IQCM: variants seen among roughly 807,000 people sequenced by gnomAD.
IQCM encodes IQ motif containing M.
In IQCM, 45 loss-of-function variants were observed where a neutral mutation model predicts 57.6. That is an observed-to-expected ratio of 0.78 (90% CI 0.62 to 1.00). The LOEUF is 1.00. Among genes scored for constraint, IQCM ranks in the 50% least tolerant of loss-of-function variants. IQCM has a pLI of 0.00. For missense variants in IQCM, 468 were observed against 511.6 expected (o/e 0.91, Z 0.82); for synonymous variants, 148 against 158.9 (o/e 0.93, Z 0.51).
At chr4:149,539,143 GA>G (rs1345105527) in intron 12 of IQCM, among the ~76,000 whole-genome samples, 1 of 151,962 alleles carries the variant, frequency 6.6e-6, no homozygotes, top group Non-Finnish European at 1.5e-5. Context: ...CAAAAAGGTG[GA>G]AACAACCCAA....
intron 2 of IQCM, among the ~76,000 whole-genome samples, chr4:149,751,605 T>C (rs1241603296): frequency 1.3e-5 from 2 of 152,236 alleles, no homozygotes; most frequent in African/African-American, 4.8e-5. Context: ...GTATAATCTT[T>C]ATATCTCACA....
At chr4:149,637,325 A>T (rs886212720) in intron 7 of IQCM, among the ~76,000 whole-genome samples, 73 of 152,266 alleles carry the variant, frequency 4.8e-4, no homozygotes, top group African/African-American at 1.5e-3. Context: ...AAATTTAATA[A>T]ATAGCATGTA....
chr4:149,792,539 A>G (rs919616110), intron 2 of IQCM, among the ~76,000 whole-genome samples: 3 of 152,176 alleles, frequency 2.0e-5, no homozygotes, highest in African/African-American at 7.2e-5. Context: ...TTAGACAGCC[A>G]GGGGGAAAAT....
At chr4:149,664,674 G>A (rs777226316) in intron 7 of IQCM, among the ~76,000 whole-genome samples, 83 of 152,296 alleles carry the variant, frequency 5.4e-4, no homozygotes, top group Non-Finnish European at 7.6e-4. Flanking sequence ...GGCCAAGCAT[G>A]TTTACTCATA....
chr4:149,527,538 C>T (rs1361074322), intron 12 of IQCM, among the ~76,000 whole-genome samples: 1 of 152,204 alleles, frequency 6.6e-6, no homozygotes, highest in Non-Finnish European at 1.5e-5. Context: ...TCTTGAACTT[C>T]CCAGTTTCCA....
chr4:149,622,932 G>A (rs1756476524), intron 7 of IQCM, among the ~76,000 whole-genome samples: 1 of 152,088 alleles, frequency 6.6e-6, no homozygotes, highest in African/African-American at 2.4e-5. Context: ...CCAAGGCAAG[G>A]ACTATAACTT....
chr4:149,593,584 G>T (rs185345740), intron 8 of IQCM, among the ~76,000 whole-genome samples: 5 of 152,036 alleles, frequency 3.3e-5, no homozygotes, highest in African/African-American at 9.7e-5. Context: ...TATGATATTG[G>T]CTGTGGGTTT....
At chr4:149,461,220 CA>C (rs1404199105) in intron 12 of IQCM, among the ~76,000 whole-genome samples, 1 of 85,424 alleles carries the variant, frequency 1.2e-5, no homozygotes, top group East Asian at 3.0e-4. Context: ...GCAACAAGAG[CA>C]AAACTCCATC....
intron 8 of IQCM, among the ~76,000 whole-genome samples, chr4:149,616,021 C>T (rs1755761328): frequency 6.6e-6 from 1 of 152,068 alleles, no homozygotes. Context: ...ATGGTACAGC[C>T]ACTGTGGAAA....
At chr4:149,485,165 T>C (rs576423232) in intron 12 of IQCM, among the ~76,000 whole-genome samples, 1 of 152,154 alleles carries the variant, frequency 6.6e-6, no homozygotes, top group African/African-American at 2.4e-5. Flanking sequence ...GGGAGTTTGA[T>C]TTTCAAACTC....
chr4:149,550,514 A>G (rs1309134211), intron 11 of IQCM, among the ~76,000 whole-genome samples: 2 of 152,216 alleles, frequency 1.3e-5, no homozygotes, highest in Non-Finnish European at 2.9e-5. Flanking sequence ...ATATTGATGT[A>G]CCTATTAATA....
chr4:149,774,770 C>CAA (rs566184766), intron 2 of IQCM, among the ~76,000 whole-genome samples: 35 of 110,976 alleles, frequency 3.2e-4, no homozygotes, highest in South Asian at 6.0e-4. Flanking sequence ...TTCTTAAAAC[C>CAA]AAAAAAAAAA....
At chr4:149,425,970 T>C (rs1375517998) in intron 13 of IQCM, among the ~76,000 whole-genome samples, 1 of 152,012 alleles carries the variant, frequency 6.6e-6, no homozygotes, top group Admixed American at 6.6e-5. Flanking sequence ...TTCCTAGGCA[T>C]TATACTTAAT....
At chr4:149,593,341 T>C (rs1753405376) in intron 8 of IQCM, among the ~76,000 whole-genome samples, 2 of 152,126 alleles carry the variant, frequency 1.3e-5, no homozygotes, top group Admixed American at 6.6e-5. Flanking sequence ...GCCTACCAGC[T>C]TAAGGAGATT....
intron 5 of IQCM, among the ~76,000 whole-genome samples, chr4:149,714,222 C>A (rs533800869): frequency 2.0e-5 from 3 of 152,266 alleles, no homozygotes; most frequent in East Asian, 3.9e-4. Context: ...CAGTATCCTG[C>A]ACATCTCAGT....
At chr4:149,759,713 G>C (rs917167711) in intron 2 of IQCM, among the ~76,000 whole-genome samples, 1 of 151,952 alleles carries the variant, frequency 6.6e-6, no homozygotes, top group African/African-American at 2.4e-5. Context: ...ATTTAAAATT[G>C]GGAGTAAACA....
intron 12 of IQCM, among the ~76,000 whole-genome samples, chr4:149,533,511 C>G (rs535395324): frequency 6.6e-6 from 1 of 152,034 alleles, no homozygotes; most frequent in Non-Finnish European, 1.5e-5. Flanking sequence ...ACTGTTCTCA[C>G]GCTGCTGACA....
intron 12 of IQCM, among the ~76,000 whole-genome samples, chr4:149,485,212 G>A (rs1463419004): frequency 6.6e-6 from 1 of 151,906 alleles, no homozygotes; most frequent in Non-Finnish European, 1.5e-5. Flanking sequence ...TCTGCTTGGT[G>A]TTCTATAATC....
chr4:149,660,405 A>T lies in IQCM; in HGVS notation c.565+21713T>A, dbSNP rs538932249. ...GGTGGGACTGTAAACTAGTTCTACC[A>T]TTGTGGAAGTCAGTGTGGCGATTCC... is the stretch of plus-strand genomic sequence containing the variant. On this transcript the variant is annotated intron_variant, in intron 7 of 13. Coordinates refer to ENST00000636793, the MANE Select transcript of IQCM (RefSeq NM_001363507.2). Among the ~76,000 whole-genome samples, 39 of 152,246 alleles carry T rather than the reference A, an allele frequency of 2.6e-4. No homozygotes were observed. The East Asian group carries it at 4.8e-3, about 19-fold the overall frequency.
Sources: gnomAD v4.1 joint callset for allele counts (sites outside exome capture counted in the v4.1 genomes callset) on GRCh38, gnomAD v4.1.1 for gene constraint, MANE v1.5 for transcripts, NCBI Gene and HGNC (gene_info 2026-07-23, HGNC 2026-07-21) for gene names.